Variants in KIAA1614 observed in about 807,000 individuals in gnomAD.
The protein encoded by KIAA1614 is uncharacterized protein KIAA1614.
In KIAA1614, 76 loss-of-function variants were observed where a neutral mutation model predicts 88.7. The ratio of observed to expected loss-of-function variants is 0.86; its 90% CI spans 0.71 to 1.04. KIAA1614 has a LOEUF of 1.04. Among genes scored for constraint, KIAA1614 ranks in the 50% least tolerant of loss-of-function variants. KIAA1614 has a pLI of 0.00. For synonymous variants in KIAA1614, 714 were observed against 675.5 expected (o/e 1.06, Z -0.88); for missense variants, 1,553 against 1,582.5 (o/e 0.98, Z 0.32).
intron 1 of KIAA1614, among the ~76,000 whole-genome samples, chr1:180,915,047 A>T (rs997298068): frequency 6.6e-6 from 1 of 151,900 alleles, no homozygotes; most frequent in East Asian, 1.9e-4. Flanking sequence ...CAAGTGATCC[A>T]CCCGCCTCAG....
chr1:180,935,375 G>T lies in KIAA1614; in HGVS notation c.1466G>T (p.Arg489Leu). The stretch of plus-strand genomic sequence containing the variant: ...CAGGCCGCGGACCAGGGCCCCCTGC[G>T]CTCCAAGCCCGACCTCGCCGACTAC... ...VLQAADQGPL[R>L]SKPDLADYIN... is the part of the protein sequence containing the mutation. The change falls in exon 5 of 9, where the codon CGC (arginine) becomes CTC (leucine). Residue 489 changes from arginine (R) to leucine (L), a missense_variant. Coordinates refer to ENST00000367588, the MANE Select transcript of KIAA1614 (RefSeq NM_020950.2). The surrounding 1 kb of genome is among the most constrained non-coding windows in gnomAD (Gnocchi z 6.1). 6.8e-7 allele frequency: 1 copy of T among 1,462,952 alleles called. No homozygotes were observed. Among genetic ancestry groups the T allele is most frequent in the Non-Finnish European group, 9.0e-7 (1 of 1,113,494 alleles). 90.6% of individuals were successfully genotyped at this position (1,462,952 alleles called of 1,614,324 possible). A position where few individuals can be genotyped will look rare whatever the true frequency, so the allele number is the denominator to read the frequency against.
In KIAA1614 at chr1:180,928,317, A is replaced by G. The variant is rs190781348; in HGVS notation, c.1062-113A>G. ...GGGTGCTAGAGGAGGAAGGCTGCAC[A>G]TGCAGGGCTTTTTCTGGCACAGCCA... On this transcript the variant is annotated intron_variant, in intron 3 of 8. Transcript: ENST00000367588. 3.7e-3 allele frequency: 4,667 copies of G among 1,258,814 alleles called. 16 individuals carry two copies. The highest frequency in any genetic ancestry group is 4.4e-3 in the South Asian group (239 of 53,718). The allele number at this position is 1,258,814 out of a possible 1,614,324, so 78.0% of individuals were successfully genotyped here.
chr1:180,921,157 A>G (rs373359181), intron 3 of KIAA1614, among the ~76,000 whole-genome samples: 104 of 144,962 alleles, frequency 7.2e-4, no homozygotes, highest in African/African-American at 2.5e-3. Context: ...GCCGTTTTAT[A>G]GGATTTGGGT....
At chr1:180,944,285 T>A in intron 7 of KIAA1614, 104 bp from the exon 8 acceptor site, 1 of 1,147,216 alleles carries the variant, frequency 8.7e-7, no homozygotes, top group Non-Finnish European at 1.3e-6. Context: ...AAGCTTGTGC[T>A]GTCACTTTCT....
intron 3 of KIAA1614, among the ~76,000 whole-genome samples, chr1:180,921,663 G>A (rs1653954259): frequency 6.6e-6 from 1 of 152,156 alleles, no homozygotes; most frequent in Non-Finnish European, 1.5e-5. Flanking sequence ...TCTCAGGTGT[G>A]GGCAAAGAAG....
At position 180,913,262 on chromosome 1, in the gene KIAA1614, G is replaced by C; in HGVS notation, c.19G>C (p.Ala7Pro). 1 of 1,261,478 alleles carries C rather than the reference G, an allele frequency of 7.9e-7. No homozygotes were observed. The allele number at this position is 1,261,478 out of a possible 1,614,324, so 78.1% of individuals were successfully genotyped here. MEGTEA[A>P]AAKPAGGSPQ... ...CCGAGGGATGGAGGGGACAGAGGCG[G>C]CGGCGGCCAAACCCGCGGGCGGCAG... is the stretch of plus-strand genomic sequence containing the variant. Residue 7 changes from alanine (A) to proline (P), a missense_variant, in exon 1 of 9, where the codon GCG becomes CCG. Coordinates refer to ENST00000367588, the MANE Select transcript of KIAA1614 (RefSeq NM_020950.2).
At chr1:180,934,807 T>C (rs1476557031) in intron 4 of KIAA1614, among the ~76,000 whole-genome samples, 1 of 152,142 alleles carries the variant, frequency 6.6e-6, no homozygotes, top group Non-Finnish European at 1.5e-5. Flanking sequence ...TTGTGAGGAC[T>C]TCAGCATCTT....
At chr1:180,923,855 C>G (rs771574588) in intron 3 of KIAA1614, among the ~76,000 whole-genome samples, 1 of 151,968 alleles carries the variant, frequency 6.6e-6, no homozygotes, top group Non-Finnish European at 1.5e-5. Context: ...TAACCAAGAA[C>G]GGAAGAATGC....
chr1:180,936,208 A>T lies in KIAA1614; in HGVS notation c.2299A>T (p.Thr767Ser). Residue 767 changes from threonine to serine, a missense_variant, in exon 5 of 9, where the codon ACA becomes TCA. Coordinates refer to ENST00000367588, the MANE Select transcript of KIAA1614 (RefSeq NM_020950.2). ...GGGGCCAGGAGGCCAGGCCCAGGTT[A>T]CAGAAAGCCACGAGTCCCTGGAAAT... is the stretch of plus-strand genomic sequence containing the variant. ...SSGPGGQAQV[T>S]ESHESLEIVS... 6.2e-7 allele frequency: 1 copy of T among 1,614,160 alleles called. No homozygotes were observed. The highest frequency in any genetic ancestry group is 1.1e-5 in the South Asian group (1 of 91,072).
chr1:180,929,173 C>A (rs942230462), intron 4 of KIAA1614, among the ~76,000 whole-genome samples: 2 of 152,228 alleles, frequency 1.3e-5, no homozygotes, highest in Non-Finnish European at 2.9e-5. Context: ...TGTAACAGTG[C>A]CTGTCTTACA....
chr1:180,929,021 TGGC>T (rs2102264829), intron 4 of KIAA1614, among the ~76,000 whole-genome samples: 1 of 152,328 alleles, frequency 6.6e-6, no homozygotes, highest in African/African-American at 2.4e-5. Context: ...AGATAGGCAC[TGGC>T]AAGCAGGCTT....
chr1:180,915,826 A>G (rs986630617), intron 1 of KIAA1614, among the ~76,000 whole-genome samples: 3 of 152,104 alleles, frequency 2.0e-5, no homozygotes, highest in Non-Finnish European at 4.4e-5. Flanking sequence ...AGGAGCACAA[A>G]TTTTATTGTG....
Position 180,950,684 on chromosome 1 carries a change from TG to T in KIAA1614, c.*5099del. ...TTGGGCTGTGGCAGGGCTTCTGTGG[TG>T]GGCTGCCTTTGGGAGACGCAAGGAG... On this transcript the variant is annotated 3_prime_UTR_variant, in exon 9 of 9. Transcript: ENST00000367588. The T allele has an allele frequency of 4.1e-6, 1 of 242,094 alleles. No individual in the cohort carries two copies. The highest frequency in any genetic ancestry group is 6.7e-6 in the Non-Finnish European group (1 of 149,562). The allele number at this position is 242,094 out of a possible 1,614,324, so 15.0% of individuals were successfully genotyped here. A position where few individuals can be genotyped will look rare whatever the true frequency, so the allele number is the denominator to read the frequency against.
intron 7 of KIAA1614, 56 bp downstream of exon 7, chr1:180,941,341 C>T (rs1654459225): frequency 1.4e-5 from 21 of 1,549,346 alleles, no homozygotes; most frequent in Non-Finnish European, 1.8e-5. Context: ...CAACCACCAT[C>T]AGAATGAAAA....
At chr1:180,940,518 T>C (rs528765346) in intron 6 of KIAA1614, among the ~76,000 whole-genome samples, 30 of 152,030 alleles carry the variant, frequency 2.0e-4, no homozygotes, top group Admixed American at 7.2e-4. Context: ...AAAAAAAATA[T>C]ACACTGAATG....
chr1:180,950,399 G>C lies in KIAA1614; in HGVS notation c.*4811G>C. 8.1e-7 allele frequency: 1 copy of C among 1,234,906 alleles called. No individual in the cohort carries two copies. The highest frequency in any genetic ancestry group is 2.7e-5 in the Admixed American group (1 of 36,436). 76.5% of individuals were successfully genotyped at this position (1,234,906 alleles called of 1,614,324 possible). Reference sequence around the variant, plus strand: ...GGCCAAGCTGTACTCAGGGCTGCTGGGGGTGGGCGATGAGATCCTCGAGGT... The same window carrying C: ...GGCCAAGCTGTACTCAGGGCTGCTGCGGGTGGGCGATGAGATCCTCGAGGT... On this transcript the variant is annotated 3_prime_UTR_variant, in exon 9 of 9. Transcript: ENST00000367588.
intron 1 of KIAA1614, among the ~76,000 whole-genome samples, chr1:180,914,419 G>A (rs1653732318): frequency 1.3e-5 from 2 of 152,212 alleles, no homozygotes; most frequent in African/African-American, 2.4e-5. Context: ...TACATGTTTT[G>A]GAAAAGGCCT....
At position 180,950,218 on chromosome 1, in the gene KIAA1614, C is replaced by G; in HGVS notation, c.*4630C>G. 2.0e-6 allele frequency: 1 copy of G among 494,896 alleles called. No homozygotes were observed. Among genetic ancestry groups the G allele is most frequent in the Non-Finnish European group, 2.9e-6 (1 of 339,676 alleles). The allele number at this position is 494,896 out of a possible 1,614,324, so 30.7% of individuals were successfully genotyped here. A position where few individuals can be genotyped will look rare whatever the true frequency, so the allele number is the denominator to read the frequency against. ...ATGTGTGCATGCGCACAGAGAAGTG[C>G]CTGGTATGAGCACCTCCTCCCTGTG... On this transcript the variant is annotated 3_prime_UTR_variant, in exon 9 of 9. Transcript: ENST00000367588.
chr1:180,922,258 A>G (rs1360533675), intron 3 of KIAA1614, among the ~76,000 whole-genome samples: 1 of 152,124 alleles, frequency 6.6e-6, no homozygotes. Context: ...GTTTTGTTTT[A>G]TGTGTGCTGT....
Sources: gnomAD v4.1 joint callset for allele counts (sites outside exome capture counted in the v4.1 genomes callset) on GRCh38, gnomAD v4.1.1 for gene constraint, Gnocchi (gnomAD v3.1) non-coding constraint, MANE v1.5 for transcripts, NCBI Gene and HGNC (gene_info 2026-07-23, HGNC 2026-07-21) for gene names.